NDRG1: variants seen among roughly 807,000 people sequenced by gnomAD.
NDRG1 encodes the protein protein NDRG1.
NDRG1 carries 32 observed loss-of-function variants against 56.9 expected under a neutral mutation model. The ratio of observed to expected loss-of-function variants is 0.56; its 90% confidence interval spans 0.42 to 0.76. NDRG1 has a LOEUF of 0.76. NDRG1 is among the 30% of genes least tolerant of loss of function. The pLI is 0.00. For synonymous variants in NDRG1, 211 were observed against 204.1 expected (o/e 1.03, Z -0.29); for missense variants, 507 against 545.7 (o/e 0.93, Z 0.71).
Position 133,237,416 on chromosome 8 carries a change from A to C in NDRG1, c.*1462T>G. 4.3e-6 allele frequency: 1 copy of C among 232,386 alleles called. No individual in the cohort carries two copies. The highest frequency in any genetic ancestry group is 8.5e-6 in the Non-Finnish European group (1 of 117,494). 14.4% of individuals were successfully genotyped at this position (232,386 alleles called of 1,614,324 possible). ...CCTCCTCCCAACTGCGGGGTCCCAG[A>C]AATCCTCGGGTCCCAGTGGCTGACT... On this transcript the variant is annotated 3_prime_UTR_variant, in exon 16 of 16. Coordinates refer to ENST00000323851, the MANE Select transcript of NDRG1 (RefSeq NM_006096.4).
intron 3 of NDRG1, chr8:133,264,977 G>C (rs549352086): frequency 2.6e-6 from 1 of 385,538 alleles, no homozygotes; most frequent in Non-Finnish European, 5.0e-6. Flanking sequence ...TCAAGCCTGC[G>C]CTTCCTTGCT....
chr8:133,257,889 A>G (rs142833312), intron 7 of NDRG1, among the ~76,000 whole-genome samples: 1 of 152,322 alleles, frequency 6.6e-6, no homozygotes, highest in East Asian at 1.9e-4. Context: ...GATGTACAAA[A>G]TGAGTATTGT....
In NDRG1 at chr8:133,262,339, A is replaced by G. The variant is rs1245701887; in HGVS notation, c.206-172T>C. 6.9e-6 allele frequency: 5 copies of G among 727,312 alleles called. No individual in the cohort carries two copies. In the Admixed American group the frequency reaches 1.2e-4, roughly 18 times the overall value. 45.1% of individuals were successfully genotyped at this position (727,312 alleles called of 1,614,324 possible). The stretch of plus-strand genomic sequence containing the variant: ...GTTTTTTGGTTTTGTCCCCATGCCC[A>G]CTTTCCTCTGCTGATAAAAAGCAAG... On this transcript the variant is annotated intron_variant, in intron 4 of 15. Coordinates refer to ENST00000323851, the MANE Select transcript of NDRG1 (RefSeq NM_006096.4).
At position 133,244,672 on chromosome 8, in the gene NDRG1, G is replaced by A. The variant is rs1340028361; in HGVS notation, c.856-282C>T. On this transcript the variant is annotated intron_variant, in intron 13 of 15. Transcript: ENST00000323851. ...CTCCATTCCCCAAGAACCATGGAAG[G>A]TACAGCTGTCCCATTTTACAGGCAG... 4 of 558,350 alleles carry A rather than the reference G, an allele frequency of 7.2e-6. No individual in the cohort carries two copies. In the East Asian group the frequency reaches 1.2e-4, roughly 17 times the overall value. The allele number at this position is 558,350 out of a possible 1,614,324, so 34.6% of individuals were successfully genotyped here. A position where few individuals can be genotyped will look rare whatever the true frequency, so the allele number is the denominator to read the frequency against.
At chr8:133,296,517 C>T (rs894479975) in intron 1 of NDRG1, 1 of 456,216 alleles carries the variant, frequency 2.2e-6, no homozygotes, top group Non-Finnish European at 4.4e-6. Context: ...TGCACACCGC[C>T]CTGTGTGTGC....
In NDRG1 at chr8:133,250,492, C is replaced by A; in HGVS notation, c.646G>T (p.Val216Leu). The A allele has an allele frequency of 6.2e-7, 1 of 1,614,138 alleles. No individual in the cohort carries two copies. Among genetic ancestry groups the A allele is most frequent in the Non-Finnish European group, 8.5e-7 (1 of 1,180,030 alleles). ...EVVHTYRQHI[V>L]NDMNPGNLHL... Reference sequence around the variant, plus strand: ...AGGTTGCCGGGGTTCATGTCATTCACAATGTGCTGGCGGTAGGTGTGGACC... The same window carrying A: ...AGGTTGCCGGGGTTCATGTCATTCAAAATGTGCTGGCGGTAGGTGTGGACC... The change falls in exon 10 of 16, where the codon GTG becomes TTG. Residue 216 changes from valine to leucine, a missense_variant. By Grantham distance (32) the Val-to-Leu change is conservative. Coordinates refer to ENST00000323851, the MANE Select transcript of NDRG1 (RefSeq NM_006096.4).
At chr8:133,258,506 G>C in intron 6 of NDRG1, 80 bp from the exon 7 acceptor site, 1 of 1,419,824 alleles carries the variant, frequency 7.0e-7, no homozygotes, top group South Asian at 1.2e-5. Context: ...AACTTCCTGA[G>C]GGTGACCGCC....
chr8:133,294,670 A>ATGG lies in NDRG1; in HGVS notation c.-19+2461_-19+2463dup, dbSNP rs569964290. ...GCTCAGTTGAGATCTGTCTTCTGTCATGGGGGGGGGGCAGCCCCATTCAGT... is the reference window on the plus strand; with the variant it reads ...GCTCAGTTGAGATCTGTCTTCTGTCATGGTGGGGGGGGGGCAGCCCCATTCAGT... On this transcript the variant is annotated intron_variant, in intron 1 of 15. Transcript: ENST00000323851. Among the ~76,000 whole-genome samples the ATGG allele has an allele frequency of 7.8e-3, 1,008 of 129,278 alleles. 8 individuals are homozygous for ATGG. Among genetic ancestry groups the ATGG allele is most frequent in the African/African-American group, 0.032 (908 of 28,032 alleles). The allele number at this position is 129,278 out of a possible 152,430, so 84.8% of individuals were successfully genotyped here.
intron 3 of NDRG1, among the ~76,000 whole-genome samples, chr8:133,267,804 G>A (rs1278084459): frequency 3.3e-5 from 5 of 152,160 alleles, no homozygotes; most frequent in Non-Finnish European, 7.3e-5. Flanking sequence ...CCCCTGAGCT[G>A]GGAGGGCCGC....
At chr8:133,247,975 T>C (rs1008497794) in intron 11 of NDRG1, 49 bp from the exon 12 acceptor site, 13 of 1,591,578 alleles carry the variant, frequency 8.2e-6, no homozygotes, top group Admixed American at 6.7e-5. Flanking sequence ...CCTTTAAAGA[T>C]TGTCCCACTC....
intron 3 of NDRG1, among the ~76,000 whole-genome samples, chr8:133,277,805 T>C (rs192310517): frequency 4.2e-4 from 64 of 152,284 alleles, no homozygotes; most frequent in African/African-American, 1.4e-3. Flanking sequence ...CACCACATCA[T>C]TGGCCCTTGT....
At chr8:133,255,126 C>T (rs747969053) in intron 8 of NDRG1, 3 of 359,676 alleles carry the variant, frequency 8.3e-6, no homozygotes, top group Non-Finnish European at 1.1e-5. Context: ...TCTATAAGTC[C>T]TAGTATACAG....
At chr8:133,266,140 A>G in intron 3 of NDRG1, among the ~76,000 whole-genome samples, 1 of 152,228 alleles carries the variant, frequency 6.6e-6, no homozygotes, top group East Asian at 1.9e-4. Flanking sequence ...TCAGTATCCC[A>G]GAGTCACACG....
chr8:133,287,265 T>C (rs113707131), intron 1 of NDRG1, among the ~76,000 whole-genome samples: 5,097 of 152,142 alleles, frequency 0.034, 198 homozygotes, highest in East Asian at 0.21. Flanking sequence ...AGGACTTGGC[T>C]CCCTACAATC....
chr8:133,288,745 C>T (rs1000276521), intron 1 of NDRG1, among the ~76,000 whole-genome samples: 1 of 152,208 alleles, frequency 6.6e-6, no homozygotes, highest in East Asian at 1.9e-4. Flanking sequence ...GCCCACCAGC[C>T]CCACCTTTGG....
At chr8:133,295,580 C>T (rs573624373) in intron 1 of NDRG1, among the ~76,000 whole-genome samples, 3 of 152,214 alleles carry the variant, frequency 2.0e-5, no homozygotes, top group Non-Finnish European at 4.4e-5. Flanking sequence ...GGGTTTGCCC[C>T]CTCTGTACCT....
chr8:133,263,502 G>GA (rs1410345784), intron 4 of NDRG1, among the ~76,000 whole-genome samples: 1 of 152,084 alleles, frequency 6.6e-6, no homozygotes, highest in South Asian at 2.1e-4. Context: ...TCTCATCTAT[G>GA]AAAAATGGGG....
chr8:133,254,474 G>T, intron 9 of NDRG1, 65 bp downstream of exon 9: 2 of 1,575,888 alleles, frequency 1.3e-6, no homozygotes, highest in Non-Finnish European at 1.7e-6. Flanking sequence ...ATGGGGCCCT[G>T]TGCTGAGCAC....
chr8:133,280,359 C>A (rs1188210503), intron 2 of NDRG1, 92 bp from the exon 3 acceptor site: 9 of 1,195,060 alleles, frequency 7.5e-6, no homozygotes, highest in Non-Finnish European at 1.1e-5. Context: ...TGACCTGAAT[C>A]TGTACCTACA....
Sources: gnomAD v4.1 joint callset for allele counts (sites outside exome capture counted in the v4.1 genomes callset) on GRCh38, gnomAD v4.1.1 for gene constraint, MANE v1.5 for transcripts, NCBI Gene and HGNC (gene_info 2026-07-23, HGNC 2026-07-21) for gene names.